C12orf42: variants seen among roughly 807,000 people sequenced by gnomAD.
C12orf42 encodes chromosome 12 open reading frame 42.
Under a neutral mutation model 21.6 loss-of-function variants are expected in C12orf42, and 25 were observed. The observed-to-expected ratio is 1.16, with a 90% CI of 0.84 to 1.62. C12orf42 has a LOEUF of 1.62. Ranked by LOEUF, C12orf42 falls within the 40% of genes most tolerant of loss-of-function variation. The pLI is 0.00. For missense variants in C12orf42, 483 were observed against 459.3 expected (o/e 1.05, Z -0.47); for synonymous variants, 174 against 175.0 (o/e 0.99, Z 0.05).
the C12orf42 span, among the ~76,000 whole-genome samples, chr12:103,064,273 A>G: frequency 6.6e-6 from 1 of 152,340 alleles, no homozygotes; most frequent in African/African-American, 2.4e-5. Flanking sequence ...TCACTCAACT[A>G]CAAAATTTAA....
chr12:103,072,610 C>T, the C12orf42 span, among the ~76,000 whole-genome samples: 1 of 152,034 alleles, frequency 6.6e-6, no homozygotes. Flanking sequence ...TGCCCCCACC[C>T]CCGGTACATA....
chr12:103,151,624 T>C, the C12orf42 span, among the ~76,000 whole-genome samples: 1 of 152,210 alleles, frequency 6.6e-6, no homozygotes, highest in Non-Finnish European at 1.5e-5. Context: ...AAGATCAATG[T>C]AAATCACACA....
the C12orf42 span, among the ~76,000 whole-genome samples, chr12:103,149,453 C>T: frequency 2.6e-5 from 4 of 152,178 alleles, no homozygotes; most frequent in Admixed American, 1.3e-4. Context: ...TGTCCCTTTG[C>T]CTTCTGTAAA....
At chr12:103,413,532 A>G (rs900977888) in intron 2 of C12orf42, among the ~76,000 whole-genome samples, 34 of 151,732 alleles carry the variant, frequency 2.2e-4, no homozygotes, top group African/African-American at 7.5e-4. Context: ...GTTTGGTTTT[A>G]TGGTTAAGTC....
At chr12:103,211,793 G>C in the C12orf42 span, among the ~76,000 whole-genome samples, 37 of 152,156 alleles carry the variant, frequency 2.4e-4, no homozygotes, top group Non-Finnish European at 4.1e-4. Context: ...CTATGTTCTG[G>C]AATAATGGTA....
At chr12:103,151,010 C>T in the C12orf42 span, among the ~76,000 whole-genome samples, 1 of 152,202 alleles carries the variant, frequency 6.6e-6, no homozygotes, top group Non-Finnish European at 1.5e-5. Context: ...TCACTGCAAC[C>T]TTCACCTCCC....
chr12:103,472,418 CTATT>C (rs1953703687), intron 2 of C12orf42, among the ~76,000 whole-genome samples: 1 of 152,126 alleles, frequency 6.6e-6, no homozygotes. Context: ...TAATATGAGA[CTATT>C]TAATAAAAAG....
chr12:103,170,786 G>A, the C12orf42 span, among the ~76,000 whole-genome samples: 7 of 152,222 alleles, frequency 4.6e-5, no homozygotes, highest in Admixed American at 1.3e-4. Context: ...GAACTGTGAA[G>A]AATATATTAG....
chr12:103,398,317 G>A (rs1484827098), intron 3 of C12orf42, among the ~76,000 whole-genome samples: 3 of 152,038 alleles, frequency 2.0e-5, no homozygotes, highest in African/African-American at 7.2e-5. Context: ...CAGATTTCCT[G>A]TTGGTGAATT....
chr12:103,484,950 A>G (rs148602015), intron 1 of C12orf42, among the ~76,000 whole-genome samples: 1,817 of 146,598 alleles, frequency 0.012, 35 homozygotes, highest in African/African-American at 0.044. Flanking sequence ...GCTCACTGCA[A>G]GCTCCACCTC....
At chr12:103,256,119 C>T (rs1445204710) in intron 10 of C12orf42, among the ~76,000 whole-genome samples, 2,743 of 49,584 alleles carry the variant, frequency 0.055, 130 homozygotes, top group African/African-American at 0.15. Flanking sequence ...TATACACACA[C>T]ACACACACAC....
chr12:103,178,013 C>G, the C12orf42 span: 1 of 152,102 alleles, frequency 6.6e-6, no homozygotes, highest in Non-Finnish European at 1.5e-5. Flanking sequence ...ATTCATGGAA[C>G]GTGTGCTGCA....
chr12:103,210,752 T>A, the C12orf42 span, among the ~76,000 whole-genome samples: 1 of 150,460 alleles, frequency 6.6e-6, no homozygotes, highest in Non-Finnish European at 1.5e-5. Context: ...TTTCCATGAC[T>A]ATCACTAATT....
chr12:103,488,479 T>C (rs527983474), intron 1 of C12orf42, among the ~76,000 whole-genome samples: 4 of 152,334 alleles, frequency 2.6e-5, no homozygotes, highest in Admixed American at 2.6e-4. Flanking sequence ...CTGTATTTCC[T>C]GAATTTGAAT....
Position 103,434,870 on chromosome 12 carries a change from C to T in C12orf42, c.79-33195G>A, listed in dbSNP as rs868805043. Among the ~76,000 whole-genome samples, 118 of 152,276 alleles carry T rather than the reference C, an allele frequency of 7.7e-4. 1 individual carries two copies. The highest frequency in any genetic ancestry group is 2.1e-3 in the Admixed American group (32 of 15,302). On this transcript the variant is annotated intron_variant, in intron 2 of 5. Transcript: ENST00000548883. ...GGCTTGCTTAGGTAAACAAAGCAGC[C>T]GGGAAGCTCGAACTGGGTGGAGCCC... is the stretch of plus-strand genomic sequence containing the variant.
the C12orf42 span, among the ~76,000 whole-genome samples, chr12:103,514,754 A>C: frequency 6.6e-6 from 1 of 150,740 alleles, no homozygotes; most frequent in Non-Finnish European, 1.5e-5. Context: ...CAAGATAAAT[A>C]GTATAAAACC....
intron 10 of C12orf42, among the ~76,000 whole-genome samples, chr12:103,251,334 C>A (rs1391839073): frequency 3.3e-5 from 5 of 152,120 alleles, no homozygotes; most frequent in Non-Finnish European, 5.9e-5. Context: ...CCTCATGATG[C>A]TGGTTAGTGC....
At chr12:103,493,327 G>A (rs148216583) in intron 1 of C12orf42, among the ~76,000 whole-genome samples, 8 of 151,934 alleles carry the variant, frequency 5.3e-5, no homozygotes, top group Non-Finnish European at 7.4e-5. Flanking sequence ...CCACATCAGC[G>A]TTGCTTCAGT....
At chr12:103,388,551 T>G (rs575551470) in intron 3 of C12orf42, among the ~76,000 whole-genome samples, 9 of 150,498 alleles carry the variant, frequency 6.0e-5, no homozygotes, top group African/African-American at 2.2e-4. Flanking sequence ...TGTTTATTCT[T>G]AAGATGAATG....
Sources: gnomAD v4.1 joint callset for allele counts (sites outside exome capture counted in the v4.1 genomes callset) on GRCh38, gnomAD v4.1.1 for gene constraint, MANE v1.5 for transcripts, NCBI Gene and HGNC (gene_info 2026-07-23, HGNC 2026-07-21) for gene names.